Variants in ABTB3 observed in about 807,000 individuals in gnomAD.
ABTB3 encodes ankyrin repeat and BTB domain containing 3, also known as ankyrin repeat- and BTB/POZ domain-containing protein 3.
At chr12:107,467,348 C>T in the ABTB3 span, among the ~76,000 whole-genome samples, 6 of 152,026 alleles carry the variant, frequency 3.9e-5, no homozygotes, top group East Asian at 7.7e-4. Flanking sequence ...AAGCAGCAGC[C>T]GTGCCTACCT....
the ABTB3 span, chr12:107,651,629 C>A: frequency 3.8e-5 from 54 of 1,409,280 alleles, no homozygotes; most frequent in Non-Finnish European, 4.9e-5. Context: ...TACCTCCTTT[C>A]CATCCACCTC....
chr12:107,494,250 C>G, the ABTB3 span, among the ~76,000 whole-genome samples: 2 of 152,124 alleles, frequency 1.3e-5, no homozygotes, highest in Admixed American at 6.5e-5. Flanking sequence ...GTGGGGCTCC[C>G]AGGTCAGCAG....
chr12:107,503,718 C>T, the ABTB3 span, among the ~76,000 whole-genome samples: 1 of 141,242 alleles, frequency 7.1e-6, no homozygotes, highest in South Asian at 2.2e-4. Flanking sequence ...GATTGCGCCA[C>T]TGCCCTCCAG....
chr12:107,602,907 G>A, the ABTB3 span, among the ~76,000 whole-genome samples: 5 of 152,190 alleles, frequency 3.3e-5, no homozygotes, highest in African/African-American at 1.2e-4. Flanking sequence ...AGTGGTGGAA[G>A]ATATTGAGCC....
At chr12:107,413,810 T>G in the ABTB3 span, among the ~76,000 whole-genome samples, 3 of 152,162 alleles carry the variant, frequency 2.0e-5, no homozygotes, top group Non-Finnish European at 4.4e-5. Flanking sequence ...CAGGAATAAA[T>G]CATTTGTAAA....
chr12:107,624,979 A>G, the ABTB3 span, among the ~76,000 whole-genome samples: 2 of 152,084 alleles, frequency 1.3e-5, no homozygotes, highest in Non-Finnish European at 2.9e-5. Context: ...GTTGCTCCAT[A>G]CCCTCACTGT....
the ABTB3 span, among the ~76,000 whole-genome samples, chr12:107,433,163 G>T: frequency 2.7e-3 from 416 of 151,460 alleles, 2 homozygotes; most frequent in African/African-American, 9.4e-3. Flanking sequence ...GGTGGCGGGC[G>T]CCTGTAGTCC....
the ABTB3 span, among the ~76,000 whole-genome samples, chr12:107,343,726 C>T: frequency 0.01 from 1,526 of 152,138 alleles, 19 homozygotes; most frequent in Non-Finnish European, 0.013. Context: ...CTGCATGGCT[C>T]GGGAGGCCTC....
At chr12:107,539,339 C>G in the ABTB3 span, among the ~76,000 whole-genome samples, 1 of 152,144 alleles carries the variant, frequency 6.6e-6, no homozygotes, top group Non-Finnish European at 1.5e-5. Context: ...ATTGGGAGCT[C>G]TTATTCTGAC....
At chr12:107,439,747 T>G in the ABTB3 span, among the ~76,000 whole-genome samples, 1 of 152,208 alleles carries the variant, frequency 6.6e-6, no homozygotes, top group Non-Finnish European at 1.5e-5. Flanking sequence ...AGTTTGGGGA[T>G]AAGGATGTAC....
chr12:107,410,186 C>A, the ABTB3 span, among the ~76,000 whole-genome samples: 1 of 143,654 alleles, frequency 7.0e-6, no homozygotes, highest in South Asian at 2.2e-4. Flanking sequence ...ATGCCCAGCA[C>A]GCAAACTTTG....
chr12:107,573,666 T>C, the ABTB3 span, among the ~76,000 whole-genome samples: 18 of 152,348 alleles, frequency 1.2e-4, no homozygotes, highest in African/African-American at 4.3e-4. Flanking sequence ...TTGTGGATAC[T>C]GGCAAGTTCA....
the ABTB3 span, among the ~76,000 whole-genome samples, chr12:107,601,515 T>A: frequency 1.3e-5 from 2 of 152,026 alleles, no homozygotes; most frequent in Non-Finnish European, 2.9e-5. Context: ...GATCCCAGAG[T>A]CATAGTATGA....
At chr12:107,480,087 G>A in the ABTB3 span, among the ~76,000 whole-genome samples, 1 of 152,174 alleles carries the variant, frequency 6.6e-6, no homozygotes, top group Non-Finnish European at 1.5e-5. Flanking sequence ...TGTGGACTTT[G>A]AGCCAGGCCT....
At chr12:107,374,563 G>C in the ABTB3 span, among the ~76,000 whole-genome samples, 1 of 152,208 alleles carries the variant, frequency 6.6e-6, no homozygotes, top group Non-Finnish European at 1.5e-5. Context: ...CACCCAACCA[G>C]CTGGGACCAG....
At chr12:107,336,002 C>A in the ABTB3 span, among the ~76,000 whole-genome samples, 2 of 152,196 alleles carry the variant, frequency 1.3e-5, no homozygotes, top group African/African-American at 4.8e-5. Flanking sequence ...ATTCTGCTCC[C>A]TCCCCACCAC....
the ABTB3 span, among the ~76,000 whole-genome samples, chr12:107,469,759 T>C: frequency 1.3e-5 from 2 of 152,132 alleles, no homozygotes; most frequent in Admixed American, 1.3e-4. Context: ...TTTGAAGAAG[T>C]GTCAATATTC....
chr12:107,328,542 C>T, the ABTB3 span, among the ~76,000 whole-genome samples: 3 of 152,210 alleles, frequency 2.0e-5, no homozygotes, highest in Non-Finnish European at 2.9e-5. Flanking sequence ...CCTTCTCCTG[C>T]ATTTTATCCA....
chr12:107,402,009 G>A, the ABTB3 span, among the ~76,000 whole-genome samples: 4 of 147,144 alleles, frequency 2.7e-5, no homozygotes, highest in Non-Finnish European at 4.4e-5. Context: ...GTTCTATCTC[G>A]ACTCCTAAGC....
Sources: allele counts gnomAD v4.1 joint callset (sites outside exome capture counted in the v4.1 genomes callset), GRCh38; gene constraint gnomAD v4.1.1; transcripts MANE v1.5; gene names NCBI Gene and HGNC (gene_info 2026-07-23, HGNC 2026-07-21).